ZFYVE9: variants seen among roughly 807,000 people sequenced by gnomAD.
ZFYVE9 encodes the protein zinc finger FYVE-type containing 9.
Under a neutral mutation model 126.7 loss-of-function variants are expected in ZFYVE9, and 43 were observed. The ratio of observed to expected loss-of-function variants is 0.34; its 90% CI spans 0.27 to 0.44. The LOEUF (loss-of-function observed/expected upper bound fraction) is 0.44, where lower values mean the gene tolerates loss of function less well. Ranked by LOEUF, ZFYVE9 falls within the 20% of genes least tolerant of loss-of-function variation. The probability of loss-of-function intolerance (pLI) is 1.00; values close to 1 mark genes in which losing one functional copy is unlikely to be tolerated. For missense variants in ZFYVE9, 1,476 were observed against 1,697.0 expected, an observed-to-expected ratio of 0.87 and a Z score of 2.29; for synonymous variants, 521 against 597.4, an observed-to-expected ratio of 0.87 and a Z score of 1.87.
intron 1 of ZFYVE9, among the ~76,000 whole-genome samples, chr1:52,209,491 C>T (rs546746238): frequency 5.9e-5 from 9 of 152,180 alleles, no homozygotes; most frequent in Non-Finnish European, 7.4e-5. Context: ...AGTAGTCACA[C>T]GCCATTTCCT....
chr1:52,230,598 C>T (rs953297277), intron 2 of ZFYVE9, among the ~76,000 whole-genome samples: 1 of 151,756 alleles, frequency 6.6e-6, no homozygotes, highest in Non-Finnish European at 1.5e-5. Context: ...TTTTTCAGCC[C>T]TCATGCTGTT....
chr1:52,337,326 A>G (rs765629842), intron 15 of ZFYVE9, among the ~76,000 whole-genome samples: 6 of 152,254 alleles, frequency 3.9e-5, no homozygotes, highest in Non-Finnish European at 8.8e-5. Flanking sequence ...ATTTATCTCC[A>G]AGCCCACTAC....
chr1:52,169,230 A>G (rs1215593001), intron 1 of ZFYVE9, among the ~76,000 whole-genome samples: 1 of 152,014 alleles, frequency 6.6e-6, no homozygotes, highest in Admixed American at 6.5e-5. Flanking sequence ...ATAAAACCCA[A>G]TCTCTACAAA....
At chr1:52,153,864 T>TA (rs1644378248) in intron 1 of ZFYVE9, among the ~76,000 whole-genome samples, 2 of 152,224 alleles carry the variant, frequency 1.3e-5, no homozygotes, top group African/African-American at 4.8e-5. Flanking sequence ...TATTTCCCTT[T>TA]CCACTTCTTG....
intron 10 of ZFYVE9, among the ~76,000 whole-genome samples, chr1:52,290,088 C>T (rs532250800): frequency 3.3e-4 from 50 of 152,236 alleles, no homozygotes; most frequent in African/African-American, 1.1e-3. Context: ...TAATGGAATA[C>T]CACAGACTGG....
intron 13 of ZFYVE9, among the ~76,000 whole-genome samples, chr1:52,315,256 C>G (rs1006397032): frequency 1.3e-5 from 2 of 151,770 alleles, no homozygotes; most frequent in Non-Finnish European, 2.9e-5. Flanking sequence ...AATGAGACAC[C>G]ATCTTTACAA....
intron 17 of ZFYVE9, among the ~76,000 whole-genome samples, chr1:52,343,067 C>T (rs1012211853): frequency 8.6e-5 from 13 of 151,764 alleles, no homozygotes; most frequent in Admixed American, 3.3e-4. Flanking sequence ...CCACCACGCC[C>T]GGCTAATTTT....
intron 1 of ZFYVE9, among the ~76,000 whole-genome samples, chr1:52,144,805 T>G (rs1054322079): frequency 5.3e-5 from 8 of 152,198 alleles, no homozygotes; most frequent in Admixed American, 1.3e-4. Flanking sequence ...TGTCATTTAC[T>G]TTGGCACTTA....
At chr1:52,296,565 C>G (rs746861871) in intron 12 of ZFYVE9, among the ~76,000 whole-genome samples, 4 of 152,022 alleles carry the variant, frequency 2.6e-5, no homozygotes, top group Non-Finnish European at 4.4e-5. Flanking sequence ...TGGCCAAGAT[C>G]ATTGGTTGGC....
At chr1:52,243,763 TAA>T (rs879647592) in intron 4 of ZFYVE9, among the ~76,000 whole-genome samples, 4 of 139,972 alleles carry the variant, frequency 2.9e-5, no homozygotes, top group Admixed American at 7.2e-5. Flanking sequence ...CCATCTCCAC[TAA>T]AAAAAAAAAA....
At chr1:52,209,536 T>G (rs1235193900) in intron 1 of ZFYVE9, among the ~76,000 whole-genome samples, 2 of 152,160 alleles carry the variant, frequency 1.3e-5, no homozygotes, top group African/African-American at 4.8e-5. Flanking sequence ...TAATACACTT[T>G]CTGTCTCTGT....
chr1:52,280,450 T>C (rs1645791916), intron 9 of ZFYVE9, among the ~76,000 whole-genome samples: 1 of 152,048 alleles, frequency 6.6e-6, no homozygotes, highest in African/African-American at 2.4e-5. Flanking sequence ...CCTATTTAGG[T>C]ACATAAAGCA....
intron 2 of ZFYVE9, among the ~76,000 whole-genome samples, chr1:52,217,712 G>A (rs1044576979): frequency 1.2e-4 from 19 of 152,168 alleles, no homozygotes; most frequent in Admixed American, 4.6e-4. Flanking sequence ...TAAAGGGGTC[G>A]TCTATTCCAG....
chr1:52,304,750 A>C (rs1169711310), intron 13 of ZFYVE9, among the ~76,000 whole-genome samples: 1 of 151,998 alleles, frequency 6.6e-6, no homozygotes, highest in African/African-American at 2.4e-5. Context: ...TATTATGAGA[A>C]TGACCTCTGT....
chr1:52,192,031 CTTT>C, intron 1 of ZFYVE9, among the ~76,000 whole-genome samples: 1 of 146,172 alleles, frequency 6.8e-6, no homozygotes, highest in African/African-American at 2.5e-5. Flanking sequence ...TTGGCAGGGG[CTTT>C]TTTTTTTTTC....
rs527599525 is a variant in ZFYVE9, at chr1:52,301,291, CTTTTTTTTTTTT to C, written c.3334-2514_3334-2503del. ...CTTAACGTTGTTTTTCTTTTTCCATCTTTTTTTTTTTTTTTTTTTTTTTTTTTGGAAATAGGG... is the reference window on the plus strand; with the variant it reads ...CTTAACGTTGTTTTTCTTTTTCCATCTTTTTTTTTTTTTTTGGAAATAGGG... On this transcript the variant is annotated intron_variant, in intron 12 of 18. Coordinates refer to ENST00000287727, the MANE Select transcript of ZFYVE9 (RefSeq NM_004799.4). Among the ~76,000 whole-genome samples the C allele has an allele frequency of 7.0e-4, 51 of 72,644 alleles. 1 individual carries two copies. Among genetic ancestry groups the C allele is most frequent in the African/African-American group, 2.6e-3 (40 of 15,542 alleles). The allele number at this position is 72,644 out of a possible 152,430, so 47.7% of individuals were successfully genotyped here.
At chr1:52,148,227 C>A (rs188072250) in intron 1 of ZFYVE9, among the ~76,000 whole-genome samples, 2 of 152,194 alleles carry the variant, frequency 1.3e-5, no homozygotes, top group South Asian at 4.2e-4. Flanking sequence ...GTAATCCCAG[C>A]ACTTTGGGAG....
At chr1:52,330,022 GATAAC>G (rs55926257) in intron 13 of ZFYVE9, among the ~76,000 whole-genome samples, 137,814 of 151,174 alleles carry the variant, frequency 0.91, 63,103 homozygotes, top group East Asian at 1. Context: ...TGTCAACCTG[GATAAC>G]ATAACATAAC....
At chr1:52,311,231 A>T (rs558718399) in intron 13 of ZFYVE9, among the ~76,000 whole-genome samples, 27 of 151,340 alleles carry the variant, frequency 1.8e-4, no homozygotes, top group African/African-American at 6.3e-4. Context: ...AAAGAAGAAG[A>T]GATGTTAGAA....
Sources: allele counts gnomAD v4.1 joint callset (sites outside exome capture counted in the v4.1 genomes callset), GRCh38; gene constraint gnomAD v4.1.1; transcripts MANE v1.5; gene names NCBI Gene and HGNC (gene_info 2026-07-23, HGNC 2026-07-21).